MROH1: variants seen among roughly 807,000 people sequenced by gnomAD.
The protein encoded by MROH1 is maestro heat-like repeat-containing protein family member 1.
Under a neutral mutation model 116.5 loss-of-function variants are expected in MROH1, and 117 were observed. That is an observed-to-expected ratio of 1.00 (90% confidence interval 0.86 to 1.17). The LOEUF is 1.17. MROH1 is among the 50% of genes most tolerant of loss of function. The pLI is 0.00. For missense variants in MROH1, 1,873 were observed against 1,338.5 expected, an observed-to-expected ratio of 1.40 and a Z score of -6.23; for synonymous variants, 921 against 583.9, an observed-to-expected ratio of 1.58 and a Z score of -8.32.
chr8:144,162,448 T>G (rs1293637995), intron 2 of MROH1, among the ~76,000 whole-genome samples: 1 of 151,302 alleles, frequency 6.6e-6, no homozygotes, highest in Non-Finnish European at 1.5e-5. Flanking sequence ...TGGAGTGTAG[T>G]GCAGTGGTGC....
At chr8:144,259,879 G>A (rs1844673110) in intron 37 of MROH1, 32 bp from the exon 38 acceptor site, 1 of 724,174 alleles carries the variant, frequency 1.4e-6, no homozygotes. Flanking sequence ...GGGTCAGCGG[G>A]GAGAGGGAAG....
At chr8:144,249,054 G>GGGC (rs1842389932) in intron 32 of MROH1, 25 bp downstream of exon 32, 3 of 713,654 alleles carry the variant, frequency 4.2e-6, no homozygotes, top group African/African-American at 3.5e-5. Flanking sequence ...GGCGCGGGGG[G>GGGC]TGCTCCAGGA....
chr8:144,173,860 C>T (rs955246461), intron 4 of MROH1, among the ~76,000 whole-genome samples: 12 of 152,162 alleles, frequency 7.9e-5, no homozygotes, highest in African/African-American at 2.9e-4. Context: ...TCTTACACCA[C>T]ACCCAAGAAG....
chr8:144,247,524 A>C lies in MROH1; in HGVS notation c.3008-43A>C, dbSNP rs951923159. On this transcript the variant is annotated intron_variant, in intron 30 of 43. Transcript: ENST00000326134. Reference sequence around the variant, plus strand: ...GCGGAGTCCAGGCTGTGGGATCGCCAGGGAGGGCCTGGGCCCGACTGCTCA... The same window carrying C: ...GCGGAGTCCAGGCTGTGGGATCGCCCGGGAGGGCCTGGGCCCGACTGCTCA... 3 of 761,476 alleles carry C rather than the reference A, an allele frequency of 3.9e-6. No homozygotes were observed. The Admixed American group carries it at 5.3e-5, about 13-fold the overall frequency. The allele number at this position is 761,476 out of a possible 1,614,324, so 47.2% of individuals were successfully genotyped here.
intron 14 of MROH1, among the ~76,000 whole-genome samples, chr8:144,235,381 A>C (rs933173764): frequency 9.2e-5 from 14 of 152,264 alleles, no homozygotes; most frequent in African/African-American, 3.4e-4. Context: ...CCCAGCTAGA[A>C]CGTCCAATAC....
At chr8:144,254,564 T>G in intron 33 of MROH1, 1 of 508,760 alleles carries the variant, frequency 2.0e-6, no homozygotes, top group East Asian at 3.5e-5. Context: ...ACCACTGCCC[T>G]GGGCCCTGTG....
chr8:144,178,598 A>G (rs1258583572), intron 4 of MROH1, among the ~76,000 whole-genome samples: 1 of 152,176 alleles, frequency 6.6e-6, no homozygotes, highest in Non-Finnish European at 1.5e-5. Context: ...CTTTATAGCC[A>G]TGTGAGAATG....
At position 144,239,734 on chromosome 8, in the gene MROH1, C is replaced by G. The variant is rs1182917916; in HGVS notation, c.1753C>G (p.Leu585Val). 1 of 718,832 alleles carries G rather than the reference C, an allele frequency of 1.4e-6. No individual in the cohort carries two copies. The highest frequency in any genetic ancestry group is 2.6e-6 in the Non-Finnish European group (1 of 385,858). 44.5% of individuals were successfully genotyped at this position (718,832 alleles called of 1,614,324 possible). A position where few individuals can be genotyped will look rare whatever the true frequency, so the allele number is the denominator to read the frequency against. ...TCAGCATTGGGAAACGACTGTCCCG[C>G]TGCTGCTGGGGTACCTGGATGGTGA... ...LGQHWETTVP[L>V]LLGYLDEHTE... Residue 585 changes from leucine (L) to valine (V), a missense_variant, in exon 18 of 44, where the codon CTG becomes GTG. Physicochemically the swap from Leu to Val is conservative, Grantham distance 32. Transcript: ENST00000326134.
rs972888277 is a variant in MROH1, at chr8:144,176,485, T to G, written c.169-2970T>G. Reference sequence around the variant, plus strand: ...TGCAAGTTCAAGGTGCAGTGAGTTATGATTGCACAACTGCACTCTAGCCTG... The same window carrying G: ...TGCAAGTTCAAGGTGCAGTGAGTTAGGATTGCACAACTGCACTCTAGCCTG... On this transcript the variant is annotated intron_variant, in intron 4 of 43. Coordinates refer to ENST00000326134, the MANE Select transcript of MROH1 (RefSeq NM_032450.3). 2.0e-5 allele frequency among the ~76,000 whole-genome samples: 3 copies of G among 148,814 alleles called. No homozygotes were observed. In the South Asian group the frequency reaches 6.4e-4, roughly 32 times the overall value.
chr8:144,182,803 G>A lies in MROH1; in HGVS notation c.562+2280G>A, dbSNP rs1826009960. Among the ~76,000 whole-genome samples, 1 of 152,202 alleles carries A rather than the reference G, an allele frequency of 6.6e-6. No homozygotes were observed. Among genetic ancestry groups the A allele is most frequent in the South Asian group, 2.1e-4 (1 of 4,836 alleles). Reference sequence around the variant, plus strand: ...CAAAGGCATGCCCTAGTGGCCGGGTGCGGTGGCTCATGCCTGTAATCCCAG... The same window carrying A: ...CAAAGGCATGCCCTAGTGGCCGGGTACGGTGGCTCATGCCTGTAATCCCAG... On this transcript the variant is annotated intron_variant, in intron 7 of 43. Transcript: ENST00000326134. The surrounding 1 kb of genome is among the most constrained non-coding windows in gnomAD (Gnocchi z 4.1).
Position 144,240,780 on chromosome 8 carries a change from G to A in MROH1, c.1935+103G>A. ...GGGCCCTGTCTCCCGTGGCCCTGGT[G>A]GCCTGGCAGAGCCTCCTTGTGGTGG... On this transcript the variant is annotated intron_variant, in intron 20 of 43. Transcript: ENST00000326134. 3 of 692,246 alleles carry A rather than the reference G, an allele frequency of 4.3e-6. No individual in the cohort carries two copies. In the South Asian group the frequency reaches 4.6e-5, roughly 11 times the overall value. The allele number at this position is 692,246 out of a possible 1,614,324, so 42.9% of individuals were successfully genotyped here.
rs914430976 is a variant in MROH1, at chr8:144,240,431, G to A, written c.1828-139G>A. ...ACTGTGGCATGGCTGTCCCCTGAGG[G>A]TTGGCTCTGCCGCCCCCGGCCTCCG... is the stretch of plus-strand genomic sequence containing the variant. On this transcript the variant is annotated intron_variant, in intron 19 of 43. Transcript: ENST00000326134. The A allele has an allele frequency of 4.5e-4, 310 of 690,214 alleles. 1 individual carries two copies. In the African/African-American group the frequency reaches 5.1e-3, roughly 11 times the overall value. The allele number at this position is 690,214 out of a possible 1,614,324, so 42.8% of individuals were successfully genotyped here. A position where few individuals can be genotyped will look rare whatever the true frequency, so the allele number is the denominator to read the frequency against.
intron 3 of MROH1, among the ~76,000 whole-genome samples, chr8:144,166,255 A>AT (rs1388832951): frequency 6.6e-6 from 1 of 152,126 alleles, no homozygotes; most frequent in African/African-American, 2.4e-5. Context: ...ATGCCATCAC[A>AT]TTGGGGGTTA....
intron 25 of MROH1, 76 bp from the exon 26 acceptor site, chr8:144,243,787 C>CT (rs1324093835): frequency 5.4e-5 from 40 of 744,192 alleles, no homozygotes; most frequent in Middle Eastern, 4.8e-4. Context: ...GTCACTTAGG[C>CT]TGGGGGACAG....
At chr8:144,212,285 A>G (rs1026899193) in intron 12 of MROH1, among the ~76,000 whole-genome samples, 10 of 151,934 alleles carry the variant, frequency 6.6e-5, no homozygotes, top group African/African-American at 1.5e-4. Flanking sequence ...GGGTCTCACT[A>G]TGTTGCCCAG....
chr8:144,234,912 A>ATTTC, intron 14 of MROH1, among the ~76,000 whole-genome samples: 1 of 26,658 alleles, frequency 3.8e-5, no homozygotes, highest in South Asian at 7.7e-4. Context: ...TTTTTTTTTG[A>ATTTC]GACAGAGTTT....
intron 29 of MROH1, 81 bp downstream of exon 29, chr8:144,245,341 T>G (rs935563606): frequency 1.2e-5 from 9 of 750,010 alleles, no homozygotes; most frequent in Admixed American, 1.1e-4. Context: ...CCTGGCTTCC[T>G]CTGGCCGCCG....
At chr8:144,192,915 G>A (rs534512226) in intron 10 of MROH1, 162 of 302,988 alleles carry the variant, frequency 5.3e-4, no homozygotes, top group Admixed American at 8.3e-4. Flanking sequence ...CGGGTCACCC[G>A]TGACCTTGGC....
intron 1 of MROH1, among the ~76,000 whole-genome samples, chr8:144,151,882 C>G (rs891203833): frequency 6.6e-6 from 1 of 152,228 alleles, no homozygotes; most frequent in Non-Finnish European, 1.5e-5. Context: ...TCCGCAGCAC[C>G]GTGCTGCACT....
Sources: allele counts gnomAD v4.1 joint callset (sites outside exome capture counted in the v4.1 genomes callset), GRCh38; gene constraint gnomAD v4.1.1; non-coding constraint Gnocchi (gnomAD v3.1); transcripts MANE v1.5; gene names NCBI Gene and HGNC (gene_info 2026-07-23, HGNC 2026-07-21).